Variants in ANXA10 observed in about 807,000 individuals in gnomAD.
ANXA10 encodes the protein annexin A10, also known as annexin 14.
A neutral mutation model predicts 53.5 loss-of-function variants in ANXA10; 49 were observed. That is an observed-to-expected ratio of 0.92 (90% CI 0.73 to 1.16). The LOEUF (loss-of-function observed/expected upper bound fraction) is 1.16. Among genes scored for constraint, ANXA10 ranks in the 50% most tolerant of loss-of-function variants. The pLI, the probability that ANXA10 is intolerant of heterozygous loss-of-function variation, is 0.00. For missense variants in ANXA10, 393 were observed against 394.4 expected, an observed-to-expected ratio of 1.00 and a Z score of 0.03; for synonymous variants, 131 against 128.9, an observed-to-expected ratio of 1.02 and a Z score of -0.11.
At chr4:168,135,974 T>TA (rs556201491) in intron 2 of ANXA10, among the ~76,000 whole-genome samples, 4 of 152,240 alleles carry the variant, frequency 2.6e-5, no homozygotes, top group African/African-American at 7.2e-5. Flanking sequence ...TCAGGAAACT[T>TA]ACAATCATGG....
chr4:168,123,176 T>C (rs1434883432), intron 1 of ANXA10, among the ~76,000 whole-genome samples: 1 of 152,152 alleles, frequency 6.6e-6, no homozygotes, highest in African/African-American at 2.4e-5. Flanking sequence ...CCCAGATTTC[T>C]TCAAACTCCT....
intron 3 of ANXA10, among the ~76,000 whole-genome samples, chr4:168,146,759 C>CA (rs142523309): frequency 0.026 from 4,002 of 152,274 alleles, 65 homozygotes; most frequent in Middle Eastern, 0.041. Context: ...CCACAGACTA[C>CA]AGAAGGAAAC....
intron 2 of ANXA10, among the ~76,000 whole-genome samples, chr4:168,130,993 C>T (rs1731148613): frequency 6.6e-6 from 1 of 151,878 alleles, no homozygotes; most frequent in East Asian, 1.9e-4. Context: ...ATTTCAAATT[C>T]ATTGATTATT....
At chr4:168,165,905 G>T (rs1382562881) in intron 6 of ANXA10, among the ~76,000 whole-genome samples, 1 of 152,126 alleles carries the variant, frequency 6.6e-6, no homozygotes, top group Non-Finnish European at 1.5e-5. Flanking sequence ...TCAAACTCCT[G>T]ACTTCAGGTG....
chr4:168,119,442 T>C (rs1248153239), intron 1 of ANXA10, among the ~76,000 whole-genome samples: 1 of 152,188 alleles, frequency 6.6e-6, no homozygotes, highest in African/African-American at 2.4e-5. Context: ...CAATCAATTG[T>C]CATAGAATCA....
intron 3 of ANXA10, among the ~76,000 whole-genome samples, chr4:168,155,247 G>C (rs978152099): frequency 4.9e-5 from 7 of 144,100 alleles, no homozygotes; most frequent in African/African-American, 1.6e-4. Flanking sequence ...TTATACATTC[G>C]TACAATTCTG....
chr4:168,179,365 C>A, intron 9 of ANXA10, 53 bp downstream of exon 9: 2 of 1,218,948 alleles, frequency 1.6e-6, no homozygotes, highest in African/African-American at 3.0e-5. Flanking sequence ...TCTATAAATG[C>A]TGAGTGGCTC....
intron 1 of ANXA10, among the ~76,000 whole-genome samples, chr4:168,120,139 G>A (rs1293614271): frequency 6.6e-6 from 1 of 152,008 alleles, no homozygotes; most frequent in African/African-American, 2.4e-5. Flanking sequence ...TAAGTTTGGT[G>A]ACTTAATGGA....
intron 3 of ANXA10, among the ~76,000 whole-genome samples, chr4:168,153,470 A>G (rs1409219606): frequency 8.6e-6 from 1 of 116,858 alleles, no homozygotes; most frequent in African/African-American, 3.2e-5. Context: ...AAAAAAAAAA[A>G]CCAATAACAA....
At chr4:168,169,973 TA>T (rs1373753483) in intron 6 of ANXA10, among the ~76,000 whole-genome samples, 2 of 152,150 alleles carry the variant, frequency 1.3e-5, no homozygotes, top group Non-Finnish European at 2.9e-5. Context: ...TGAGGGAAAA[TA>T]AATCACAAGT....
intron 3 of ANXA10, among the ~76,000 whole-genome samples, chr4:168,159,277 G>A (rs992593334): frequency 1.2e-4 from 18 of 152,032 alleles, no homozygotes; most frequent in Admixed American, 6.6e-5. Flanking sequence ...CTTTTTCTGT[G>A]TTACTAGATG....
chr4:168,180,883 T>C (rs1266478687), intron 9 of ANXA10, among the ~76,000 whole-genome samples: 1 of 152,182 alleles, frequency 6.6e-6, no homozygotes, highest in African/African-American at 2.4e-5. Flanking sequence ...TAGGCTGTCC[T>C]ACCACCTTAG....
chr4:168,096,912 A>ATATATATATATATATATATATATG (rs1491558554), intron 1 of ANXA10, among the ~76,000 whole-genome samples: 1 of 104,578 alleles, frequency 9.6e-6, no homozygotes, highest in African/African-American at 5.6e-5. Context: ...ATACAAATGC[A>ATATATATATATATATATATATATG]TATATATATA....
intron 3 of ANXA10, among the ~76,000 whole-genome samples, chr4:168,143,901 T>A (rs1731366213): frequency 6.6e-6 from 1 of 152,192 alleles, no homozygotes; most frequent in African/African-American, 2.4e-5. Flanking sequence ...GAGCAAACAC[T>A]CAGGCTTACA....
chr4:168,162,604 C>G lies in ANXA10; in HGVS notation c.272C>G (p.Pro91Arg), dbSNP rs1560786913. The change falls in exon 4 of 12, where the codon CCA (proline) becomes CGA (arginine). Residue 91 changes from proline to arginine, a missense_variant. By Grantham distance (103) the Pro-to-Arg change is moderately radical. Coordinates refer to ENST00000359299, the MANE Select transcript of ANXA10 (RefSeq NM_007193.5). The part of the protein sequence containing the change: ...DVMAGLMYPP[P>R]LYDAHELWHA... The stretch of plus-strand genomic sequence containing the variant: ...ATGGCTGGCCTCATGTACCCACCAC[C>G]ACTGTATGATGCTCATGAGCTCTGG... 2 of 1,613,942 alleles carry G rather than the reference C, an allele frequency of 1.2e-6. No individual in the cohort carries two copies. Among genetic ancestry groups the G allele is most frequent in the Admixed American group, 1.7e-5 (1 of 59,984 alleles).
At chr4:168,131,198 T>C (rs879850525) in intron 2 of ANXA10, among the ~76,000 whole-genome samples, 12 of 152,030 alleles carry the variant, frequency 7.9e-5, no homozygotes, top group Non-Finnish European at 1.8e-4. Flanking sequence ...TTGAAATTTT[T>C]AAAAATTCTC....
chr4:168,169,656 A>G (rs11132086), intron 6 of ANXA10, among the ~76,000 whole-genome samples: 94,506 of 151,982 alleles, frequency 0.62, 30,150 homozygotes, highest in African/African-American at 0.76. Flanking sequence ...TAAGTGGTGT[A>G]CCTGACATTA....
At chr4:168,179,097 G>C in intron 8 of ANXA10, 120 bp from the exon 9 acceptor site, 1 of 633,606 alleles carries the variant, frequency 1.6e-6, no homozygotes, top group Non-Finnish European at 2.7e-6. Context: ...AAACAGAATT[G>C]ATAACAGTAG....
chr4:168,165,254 C>T lies in ANXA10; in HGVS notation c.408C>T (p.Ser136=). The T allele has an allele frequency of 1.3e-6, 2 of 1,573,548 alleles. No homozygotes were observed. The highest frequency in any genetic ancestry group is 1.7e-6 in the Non-Finnish European group (2 of 1,149,236). Reference sequence around the variant, plus strand: ...ACATGTTTTCTTATACAGAATACAGCAATAACCTCCAAGAGGACATTTATT... The same window carrying T: ...ACATGTTTTCTTATACAGAATACAGTAATAACCTCCAAGAGGACATTTATT... The part of the protein sequence containing the change: ...QMREAYCLQY[S]NNLQEDIYSE... Residue 136 remains serine (S), a synonymous_variant, in exon 6 of 12, where the codon AGC becomes AGT. Coordinates refer to ENST00000359299, the MANE Select transcript of ANXA10 (RefSeq NM_007193.5).
Sources: allele counts gnomAD v4.1 joint callset (sites outside exome capture counted in the v4.1 genomes callset), GRCh38; gene constraint gnomAD v4.1.1; transcripts MANE v1.5; gene names NCBI Gene and HGNC (gene_info 2026-07-23, HGNC 2026-07-21).